Variants in MARCHF4 observed in about 807,000 individuals in gnomAD.
MARCHF4 encodes membrane associated ring-CH-type finger 4, also known as E3 ubiquitin-protein ligase MARCHF4.
Under a neutral mutation model 43.9 loss-of-function variants are expected in MARCHF4, and 14 were observed. The ratio of observed to expected loss-of-function variants is 0.32; its 90% CI spans 0.21 to 0.50. The LOEUF (loss-of-function observed/expected upper bound fraction) is 0.50, where lower values mean the gene tolerates loss of function less well. Ranked by LOEUF, MARCHF4 falls within the 20% of genes least tolerant of loss-of-function variation. MARCHF4 has a pLI of 0.98. For missense variants in MARCHF4, 468 were observed against 536.7 expected (o/e 0.87, Z 1.27); for synonymous variants, 226 against 213.3 (o/e 1.06, Z -0.52).
At chr2:216,298,296 A>G (rs1267810498) in intron 1 of MARCHF4, among the ~76,000 whole-genome samples, 11 of 104,098 alleles carry the variant, frequency 1.1e-4, no homozygotes, top group Non-Finnish European at 1.6e-4. Context: ...ACAGGGTCTG[A>G]CTCTGTTGTC....
chr2:216,297,754 G>A (rs1691419944), intron 1 of MARCHF4, among the ~76,000 whole-genome samples: 1 of 152,068 alleles, frequency 6.6e-6, no homozygotes. Context: ...CACCTCAGGT[G>A]ATCCACTCGG....
intron 1 of MARCHF4, among the ~76,000 whole-genome samples, chr2:216,312,090 AT>A (rs1691695755): frequency 6.6e-6 from 1 of 152,176 alleles, no homozygotes; most frequent in Non-Finnish European, 1.5e-5. Context: ...AATAGTGAAC[AT>A]TGTGTCCATC....
chr2:216,281,623 C>T (rs902343231), intron 2 of MARCHF4, among the ~76,000 whole-genome samples: 20 of 152,246 alleles, frequency 1.3e-4, no homozygotes, highest in African/African-American at 4.6e-4. Context: ...ACAGGACATA[C>T]AATTGGGACA....
chr2:216,287,158 C>T (rs998620531), intron 1 of MARCHF4, among the ~76,000 whole-genome samples: 11 of 152,164 alleles, frequency 7.2e-5, no homozygotes, highest in African/African-American at 2.7e-4. Flanking sequence ...TCAGCCAAGT[C>T]TCCCACCATC....
chr2:216,310,165 C>A lies in MARCHF4; in HGVS notation c.517-26436G>T, dbSNP rs542294988. Among the ~76,000 whole-genome samples the A allele has an allele frequency of 2.0e-5, 3 of 152,358 alleles. No individual in the cohort carries two copies. The South Asian group carries it at 6.2e-4, about 32-fold the overall frequency. On this transcript the variant is annotated intron_variant, in intron 1 of 3. Transcript: ENST00000273067. ...GCCAGGCGCCTCTCAACTTTGCTAC[C>A]AAGTGGTCACCTAGCCTTGACTCCA...
intron 3 of MARCHF4, chr2:216,266,045 C>G (rs1690840373): frequency 6.6e-6 from 1 of 152,190 alleles, no homozygotes; most frequent in Admixed American, 6.5e-5. Flanking sequence ...AAAAAGTAAT[C>G]TACTTCCAGA....
In MARCHF4 at chr2:216,293,587, AC is replaced by A. The variant is rs869233666; in HGVS notation, c.517-9859del. On this transcript the variant is annotated intron_variant, in intron 1 of 3. Coordinates refer to ENST00000273067, the MANE Select transcript of MARCHF4 (RefSeq NM_020814.3). ...TTTCAATGTAAAAAAAAAAAAAAAA[AC>A]AATGTAAAAAGAGACAAGGAAAACA... Among the ~76,000 whole-genome samples the A allele has an allele frequency of 1.4e-3, 172 of 126,926 alleles. 1 individual carries two copies. The highest frequency in any genetic ancestry group is 4.3e-3 in the Admixed American group (57 of 13,366). The allele number at this position is 126,926 out of a possible 152,430, so 83.3% of individuals were successfully genotyped here.
At chr2:216,352,292 G>A (rs1374259648) in intron 1 of MARCHF4, among the ~76,000 whole-genome samples, 1 of 152,212 alleles carries the variant, frequency 6.6e-6, no homozygotes, top group African/African-American at 2.4e-5. Context: ...GCAGCCTCCT[G>A]GTGGAAGCCA....
chr2:216,297,604 C>T (rs1184927317), intron 1 of MARCHF4, among the ~76,000 whole-genome samples: 1 of 152,200 alleles, frequency 6.6e-6, no homozygotes, highest in East Asian at 1.9e-4. Context: ...GTCCGCCTCC[C>T]CTGGGTTCAA....
intron 3 of MARCHF4, among the ~76,000 whole-genome samples, chr2:216,276,047 T>G (rs1463255152): frequency 6.6e-6 from 1 of 152,168 alleles, no homozygotes; most frequent in Non-Finnish European, 1.5e-5. Flanking sequence ...GAATGGGAAA[T>G]CAATGTTTGT....
intron 1 of MARCHF4, among the ~76,000 whole-genome samples, chr2:216,339,047 AGGAGCGGGGAGATG>A (rs1311295044): frequency 6.6e-6 from 1 of 152,188 alleles, no homozygotes; most frequent in African/African-American, 2.4e-5. Flanking sequence ...TTGGACAGAA[AGGAGCGGGGAGATG>A]GGAGAGATTC....
intron 1 of MARCHF4, among the ~76,000 whole-genome samples, chr2:216,302,188 T>C (rs1691501387): frequency 6.6e-6 from 1 of 152,218 alleles, no homozygotes; most frequent in Admixed American, 6.5e-5. Context: ...AGCAGTTTTG[T>C]TTTTATTGTG....
At chr2:216,289,308 A>G (rs1574465110) in intron 1 of MARCHF4, among the ~76,000 whole-genome samples, 1 of 144,864 alleles carries the variant, frequency 6.9e-6, no homozygotes, top group East Asian at 2.0e-4. Flanking sequence ...CTCTAAAAAT[A>G]TATTGTTTTT....
rs1692242158 is a variant in MARCHF4 at position 216,341,845 on chromosome 2, G to A, written c.516+27900C>T. Among the ~76,000 whole-genome samples, 6 of 152,320 alleles carry A rather than the reference G, an allele frequency of 3.9e-5. No individual in the cohort carries two copies. The South Asian group carries it at 1.2e-3, about 32-fold the overall frequency. Reference sequence around the variant, plus strand: ...TTGGGGGTCCCAGGGAGGGACTGGAGCAGCCAGGATGGTGGAATCCCAGAT... The same window carrying A: ...TTGGGGGTCCCAGGGAGGGACTGGAACAGCCAGGATGGTGGAATCCCAGAT... On this transcript the variant is annotated intron_variant, in intron 1 of 3. Coordinates refer to ENST00000273067, the MANE Select transcript of MARCHF4 (RefSeq NM_020814.3).
chr2:216,339,352 C>T (rs1692205395), intron 1 of MARCHF4, among the ~76,000 whole-genome samples: 1 of 152,224 alleles, frequency 6.6e-6, no homozygotes, highest in Non-Finnish European at 1.5e-5. Flanking sequence ...GGTCCTCTCT[C>T]CTCCATTGGG....
At chr2:216,317,172 C>A (rs929670001) in intron 1 of MARCHF4, among the ~76,000 whole-genome samples, 9 of 152,194 alleles carry the variant, frequency 5.9e-5, no homozygotes, top group Non-Finnish European at 1.5e-5. Context: ...GACCTGCTCT[C>A]CAGTGATACA....
intron 1 of MARCHF4, among the ~76,000 whole-genome samples, chr2:216,284,438 G>A (rs536005447): frequency 1.3e-5 from 2 of 152,302 alleles, no homozygotes; most frequent in East Asian, 3.9e-4. Context: ...CCATATGTCA[G>A]ATGGCCATGG....
At chr2:216,336,769 C>CAAAAAAAAAAAAAAAAAAAAAAAT (rs1453857917) in intron 1 of MARCHF4, among the ~76,000 whole-genome samples, 1 of 66,866 alleles carries the variant, frequency 1.5e-5, no homozygotes, top group Non-Finnish European at 3.1e-5. Context: ...AAAAAAAAAG[C>CAAAAAAAAAAAAAAAAAAAAAAAT]TTTCTGGAAA....
chr2:216,350,392 ATG>A (rs1692386392), intron 1 of MARCHF4, among the ~76,000 whole-genome samples: 1 of 115,714 alleles, frequency 8.6e-6, no homozygotes, highest in Non-Finnish European at 1.8e-5. Context: ...ATCCCTCACC[ATG>A]CCACAACCCC....
Sources: gnomAD v4.1 joint callset for allele counts (sites outside exome capture counted in the v4.1 genomes callset) on GRCh38, gnomAD v4.1.1 for gene constraint, MANE v1.5 for transcripts, NCBI Gene and HGNC (gene_info 2026-07-23, HGNC 2026-07-21) for gene names.